Variants in ACOXL observed in about 807,000 individuals in gnomAD.
The protein encoded by ACOXL is acyl-coenzyme A oxidase-like protein.
In ACOXL, 70 loss-of-function variants were observed where a neutral mutation model predicts 71.9. The ratio of observed to expected loss-of-function variants is 0.97; its 90% CI spans 0.80 to 1.19. The LOEUF (loss-of-function observed/expected upper bound fraction) is 1.19, where lower values mean the gene tolerates loss of function less well. ACOXL is among the 50% of genes most tolerant of loss of function. ACOXL has a pLI of 0.00. For synonymous variants in ACOXL, 253 were observed against 281.6 expected, an observed-to-expected ratio of 0.90 and a Z score of 1.02; for missense variants, 703 against 736.3, an observed-to-expected ratio of 0.95 and a Z score of 0.52.
intron 12 of ACOXL, among the ~76,000 whole-genome samples, chr2:110,963,893 T>C (rs2061816954): frequency 6.6e-6 from 1 of 152,204 alleles, no homozygotes; most frequent in African/African-American, 2.4e-5. Flanking sequence ...TCTTTGACTT[T>C]GAATTTTATC....
At chr2:111,005,126 C>G (rs1036852015) in intron 14 of ACOXL, among the ~76,000 whole-genome samples, 1 of 152,156 alleles carries the variant, frequency 6.6e-6, no homozygotes, top group African/African-American at 2.4e-5. Context: ...GGGCTGATTC[C>G]TGTTTTCTCT....
chr2:111,036,517 C>T (rs1450126612), intron 15 of ACOXL, among the ~76,000 whole-genome samples: 1 of 152,148 alleles, frequency 6.6e-6, no homozygotes. Context: ...CTTGGAGGTC[C>T]CAACATTGGG....
At chr2:110,981,816 A>C (rs189651629) in intron 12 of ACOXL, among the ~76,000 whole-genome samples, 1 of 152,296 alleles carries the variant, frequency 6.6e-6, no homozygotes, top group East Asian at 1.9e-4. Flanking sequence ...CTCTATCTGC[A>C]CTGGAAGACC....
At position 111,117,722 on chromosome 2, in the gene ACOXL, C is replaced by T. The variant is rs1262109400; in HGVS notation, c.1649C>T (p.Pro550Leu). 17 of 1,551,620 alleles carry T rather than the reference C, an allele frequency of 1.1e-5. No homozygotes were observed. The highest frequency in any genetic ancestry group is 9.8e-5 in the Admixed American group (5 of 50,992). The change falls in exon 18 of 18, where the codon CCG becomes CTG. Residue 550 changes from proline (P) to leucine (L), a missense_variant. Transcript: ENST00000439055. ...GCACCAATCGCCGGAATCTCCAACC[C>T]GCGGGCCGCGTGGGCTTTCTACCCT... is the stretch of plus-strand genomic sequence containing the variant. ...LHAPIAGISN[P>L]RAAWAFYPAP...
At chr2:110,833,443 G>GACCTACAC in intron 9 of ACOXL, among the ~76,000 whole-genome samples, 1 of 152,318 alleles carries the variant, frequency 6.6e-6, no homozygotes, top group South Asian at 2.1e-4. Context: ...GAAAGTAGGT[G>GACCTACAC]TGGCTACACA....
chr2:110,957,677 C>T (rs775768432), intron 12 of ACOXL, among the ~76,000 whole-genome samples: 17 of 152,164 alleles, frequency 1.1e-4, no homozygotes, highest in Non-Finnish European at 1.5e-4. Flanking sequence ...TCAATTACCT[C>T]CTTTAATCTT....
intron 13 of ACOXL, among the ~76,000 whole-genome samples, chr2:110,991,041 A>T (rs1259232512): frequency 6.6e-6 from 1 of 152,206 alleles, no homozygotes. Flanking sequence ...AAAGAATTTG[A>T]TAATTCATCA....
At chr2:110,994,941 A>C (rs2063324701) in intron 13 of ACOXL, among the ~76,000 whole-genome samples, 1 of 152,172 alleles carries the variant, frequency 6.6e-6, no homozygotes, top group African/African-American at 2.4e-5. Context: ...GCTAAGCCTC[A>C]GTTTCCTAAA....
chr2:110,792,258 G>T (rs966231395), intron 3 of ACOXL, among the ~76,000 whole-genome samples: 1 of 152,248 alleles, frequency 6.6e-6, no homozygotes, highest in East Asian at 1.9e-4. Flanking sequence ...GGGGAGGAGG[G>T]CTCCCCAGAT....
At chr2:111,078,195 C>G (rs1238910808) in intron 16 of ACOXL, among the ~76,000 whole-genome samples, 2 of 152,122 alleles carry the variant, frequency 1.3e-5, no homozygotes, top group Non-Finnish European at 2.9e-5. Context: ...CTTTGGAGCT[C>G]ATCTTTCTTT....
chr2:111,034,752 C>T (rs1178061035), intron 15 of ACOXL, among the ~76,000 whole-genome samples: 3 of 152,188 alleles, frequency 2.0e-5, no homozygotes, highest in African/African-American at 7.2e-5. Context: ...ACCAGCGTAT[C>T]ATTACATTCA....
At chr2:110,784,897 T>G (rs1683769933) in intron 3 of ACOXL, 82 bp downstream of exon 3, 4 of 1,327,080 alleles carry the variant, frequency 3.0e-6, no homozygotes, top group African/African-American at 1.5e-5. Flanking sequence ...CCCCGTGAGC[T>G]CTCTCAGTCT....
intron 11 of ACOXL, among the ~76,000 whole-genome samples, chr2:110,915,348 ATATGTGTG>A (rs1260827149): frequency 1.0e-4 from 13 of 127,164 alleles, no homozygotes; most frequent in East Asian, 4.8e-4. Context: ...ATATATATAT[ATATGTGTG>A]TGTGTGTGTG....
chr2:111,024,022 C>T (rs1378862787), intron 14 of ACOXL, among the ~76,000 whole-genome samples: 1 of 152,124 alleles, frequency 6.6e-6, no homozygotes, highest in Non-Finnish European at 1.5e-5. Context: ...ACTGTGATCA[C>T]CTTTAACAAT....
intron 12 of ACOXL, among the ~76,000 whole-genome samples, chr2:110,977,383 C>CA (rs1232083797): frequency 1.3e-3 from 131 of 101,932 alleles, no homozygotes; most frequent in African/African-American, 1.9e-3. Flanking sequence ...GACTCCGTCT[C>CA]AAAAAAAAAA....
In ACOXL at chr2:110,775,696, A is replaced by G. The variant is rs147552619; in HGVS notation, c.75+7232A>G. On this transcript the variant is annotated intron_variant, in intron 2 of 17. Transcript: ENST00000439055. The stretch of plus-strand genomic sequence containing the variant: ...CAAATCACAACCACAATGAGATACC[A>G]CCTTACACCCATTAGGATGGTTATT... Among the ~76,000 whole-genome samples, 4 of 152,288 alleles carry G rather than the reference A, an allele frequency of 2.6e-5. No individual in the cohort carries two copies. The East Asian group carries it at 7.7e-4, about 29-fold the overall frequency.
chr2:110,744,294 T>G (rs1490644069), intron 1 of ACOXL, among the ~76,000 whole-genome samples: 1 of 152,242 alleles, frequency 6.6e-6, no homozygotes, highest in Admixed American at 6.5e-5. Flanking sequence ...CATGATTTTT[T>G]ATGTCTTATA....
chr2:111,021,409 G>A lies in ACOXL; in HGVS notation c.1282-10218G>A, dbSNP rs78882890. Reference sequence around the variant, plus strand: ...CCCTTTTTCTCATATGTAGCAGGATGTTGAGGGAGATTTGTTTACCCTGCT... The same window carrying A: ...CCCTTTTTCTCATATGTAGCAGGATATTGAGGGAGATTTGTTTACCCTGCT... On this transcript the variant is annotated intron_variant, in intron 14 of 17. Transcript: ENST00000439055. 5.6e-3 allele frequency among the ~76,000 whole-genome samples: 855 copies of A among 152,318 alleles called. 3 individuals carry two copies. The highest frequency in any genetic ancestry group is 8.8e-3 in the Non-Finnish European group (597 of 68,020).
At chr2:110,934,202 G>A (rs1176716386) in intron 12 of ACOXL, among the ~76,000 whole-genome samples, 1 of 152,224 alleles carries the variant, frequency 6.6e-6, no homozygotes, top group African/African-American at 2.4e-5. Context: ...CAGAAGCCCT[G>A]CAGGACTCTG....
Sources: allele counts gnomAD v4.1 joint callset (sites outside exome capture counted in the v4.1 genomes callset), GRCh38; gene constraint gnomAD v4.1.1; transcripts MANE v1.5; gene names NCBI Gene and HGNC (gene_info 2026-07-23, HGNC 2026-07-21).